The following PTPRG variants were observed in gnomAD, a reference collection of about 807,000 sequenced individuals.
The protein encoded by PTPRG is protein tyrosine phosphatase receptor type G.
Under a neutral mutation model 165.3 loss-of-function variants are expected in PTPRG, and 102 were observed. The ratio of observed to expected loss-of-function variants is 0.62; its 90% CI spans 0.53 to 0.73. The LOEUF is 0.73. Ranked by LOEUF, PTPRG falls within the 30% of genes least tolerant of loss-of-function variation. PTPRG has a pLI of 0.00. For synonymous variants in PTPRG, 675 were observed against 669.5 expected (o/e 1.01, Z -0.13); for missense variants, 1,866 against 1,861.4 (o/e 1.00, Z -0.05).
intron 2 of PTPRG, among the ~76,000 whole-genome samples, chr3:61,969,352 T>C (rs1481597456): frequency 6.6e-6 from 1 of 152,190 alleles, no homozygotes; most frequent in Admixed American, 6.5e-5. Context: ...TTTGCATCAA[T>C]GAATATATAA....
At chr3:61,679,596 A>G (rs781611754) in intron 1 of PTPRG, among the ~76,000 whole-genome samples, 5 of 152,088 alleles carry the variant, frequency 3.3e-5, no homozygotes, top group African/African-American at 7.2e-5. Context: ...AACAGCCACC[A>G]CAGTGGAACC....
intron 6 of PTPRG, among the ~76,000 whole-genome samples, chr3:62,149,270 CT>C (rs11463679): frequency 0.062 from 8,611 of 137,920 alleles, 778 homozygotes; most frequent in African/African-American, 0.21. Context: ...AGGGAGGCCT[CT>C]TTTTTTTTTT....
intron 4 of PTPRG, among the ~76,000 whole-genome samples, chr3:62,073,765 G>A (rs1701286554): frequency 6.6e-6 from 1 of 152,318 alleles, no homozygotes; most frequent in East Asian, 1.9e-4. Context: ...ACAGGTGTAA[G>A]CCACCACACC....
At chr3:61,567,466 G>T (rs1254818424) in intron 1 of PTPRG, among the ~76,000 whole-genome samples, 4 of 152,098 alleles carry the variant, frequency 2.6e-5, no homozygotes, top group Non-Finnish European at 5.9e-5. Context: ...GAGCCCAGAA[G>T]TTCGAGACCA....
At chr3:62,243,953 C>T (rs998568286) in intron 15 of PTPRG, 55 bp downstream of exon 15, 13 of 1,132,510 alleles carry the variant, frequency 1.1e-5, no homozygotes, top group Non-Finnish European at 1.2e-5. Context: ...CTCTTTTATT[C>T]TCAGTTTTAT....
intron 2 of PTPRG, among the ~76,000 whole-genome samples, chr3:61,936,957 G>A (rs2039497375): frequency 6.6e-6 from 1 of 152,202 alleles, no homozygotes; most frequent in Admixed American, 6.5e-5. Context: ...GATGTACACA[G>A]CAGAAATGCT....
intron 2 of PTPRG, among the ~76,000 whole-genome samples, chr3:61,922,260 G>T (rs1358828055): frequency 2.6e-5 from 4 of 152,168 alleles, no homozygotes; most frequent in Non-Finnish European, 5.9e-5. Context: ...TTCTTCTCCT[G>T]GATATCTGCC....
At chr3:62,083,647 G>C (rs1004652940) in intron 5 of PTPRG, among the ~76,000 whole-genome samples, 1 of 152,216 alleles carries the variant, frequency 6.6e-6, no homozygotes, top group East Asian at 1.9e-4. Flanking sequence ...GTTGGTAGAA[G>C]AAAGAGTACC....
rs150240461 is a variant in PTPRG at position 61,667,629 on chromosome 3, C to T, written c.86-81249C>T. Among the ~76,000 whole-genome samples, 904 of 152,236 alleles carry T rather than the reference C, an allele frequency of 5.9e-3. 4 individuals carry two copies. The highest frequency in any genetic ancestry group is 0.02 in the Middle Eastern group (6 of 294). On this transcript the variant is annotated intron_variant, in intron 1 of 29. Transcript: ENST00000474889. ...GGAAACTAAAGCAAGGCAAAGTCGA[C>T]TGCCCAGAATTACCGGCTAATAAAT... is the stretch of plus-strand genomic sequence containing the variant.
chr3:61,774,118 T>A (rs1285311158), intron 2 of PTPRG, among the ~76,000 whole-genome samples: 1 of 152,156 alleles, frequency 6.6e-6, no homozygotes, highest in East Asian at 1.9e-4. Context: ...TCTAAGAGAC[T>A]ACAGTCCTTT....
chr3:62,035,774 A>G (rs1699918830), intron 4 of PTPRG, among the ~76,000 whole-genome samples: 1 of 152,224 alleles, frequency 6.6e-6, no homozygotes, highest in African/African-American at 2.4e-5. Flanking sequence ...TTCTAGGTGG[A>G]AAGTTGGCGA....
chr3:61,811,574 C>T (rs1489394502), intron 2 of PTPRG, among the ~76,000 whole-genome samples: 1 of 152,114 alleles, frequency 6.6e-6, no homozygotes, highest in Non-Finnish European at 1.5e-5. Flanking sequence ...CTCCATTTGA[C>T]CAAAGCTGAA....
chr3:61,996,531 A>T (rs1469921624), intron 3 of PTPRG, among the ~76,000 whole-genome samples: 1 of 152,176 alleles, frequency 6.6e-6, no homozygotes, highest in East Asian at 1.9e-4. Context: ...AGCCAAGTAG[A>T]CAGACATTTG....
chr3:62,201,144 G>T (rs1304694819), intron 10 of PTPRG, among the ~76,000 whole-genome samples: 1 of 152,170 alleles, frequency 6.6e-6, no homozygotes, highest in East Asian at 1.9e-4. Context: ...TGGTTACACA[G>T]GTGTTTACAT....
chr3:61,796,834 C>G (rs1180827026), intron 2 of PTPRG, among the ~76,000 whole-genome samples: 1 of 152,176 alleles, frequency 6.6e-6, no homozygotes, highest in Non-Finnish European at 1.5e-5. Context: ...TCTCTTCACT[C>G]TCTTTTCTGG....
intron 4 of PTPRG, among the ~76,000 whole-genome samples, chr3:62,043,491 C>A (rs932226019): frequency 2.0e-5 from 3 of 152,148 alleles, no homozygotes; most frequent in African/African-American, 7.2e-5. Flanking sequence ...CAGTTTAGAG[C>A]CCTTCTCATA....
chr3:61,687,070 C>T (rs921404894), intron 1 of PTPRG, among the ~76,000 whole-genome samples: 5 of 152,176 alleles, frequency 3.3e-5, no homozygotes, highest in Non-Finnish European at 7.4e-5. Flanking sequence ...ACCACTGGGA[C>T]TAGCAAAGAG....
chr3:61,581,292 T>C (rs1700287193), intron 1 of PTPRG, among the ~76,000 whole-genome samples: 1 of 152,294 alleles, frequency 6.6e-6, no homozygotes, highest in Non-Finnish European at 1.5e-5. Context: ...ACCTGTTAAT[T>C]AGTTCCAGAC....
chr3:62,033,287 T>C (rs541518500), intron 4 of PTPRG, among the ~76,000 whole-genome samples: 1 of 152,218 alleles, frequency 6.6e-6, no homozygotes, highest in East Asian at 1.9e-4. Flanking sequence ...AATGTCACTT[T>C]CAGAGGAAGG....
Sources: gnomAD v4.1 joint callset for allele counts (sites outside exome capture counted in the v4.1 genomes callset) on GRCh38, gnomAD v4.1.1 for gene constraint, MANE v1.5 for transcripts, NCBI Gene and HGNC (gene_info 2026-07-23, HGNC 2026-07-21) for gene names.